The following LRP1B variants were observed in gnomAD, a reference collection of about 807,000 sequenced individuals.
The protein encoded by LRP1B is low-density lipoprotein receptor-related protein 1B.
A neutral mutation model predicts 556.6 loss-of-function variants in LRP1B; 217 were observed. The ratio of observed to expected loss-of-function variants is 0.39; its 90% CI spans 0.35 to 0.44. The LOEUF (loss-of-function observed/expected upper bound fraction) is 0.44. LRP1B is among the 20% of genes least tolerant of loss of function. The pLI, the probability that LRP1B is intolerant of heterozygous loss-of-function variation, is 1.00. For missense variants in LRP1B, 5,053 were observed against 5,620.8 expected (o/e 0.90, Z 3.23); for synonymous variants, 2,047 against 1,865.8 (o/e 1.10, Z -2.50).
At chr2:141,875,676 G>C (rs1306515636) in intron 1 of LRP1B, among the ~76,000 whole-genome samples, 2 of 151,738 alleles carry the variant, frequency 1.3e-5, no homozygotes, top group Non-Finnish European at 2.9e-5. Flanking sequence ...TACTTATTTG[G>C]CTTATTCATT....
At chr2:141,730,858 T>C (rs1310883835) in intron 2 of LRP1B, among the ~76,000 whole-genome samples, 1 of 152,172 alleles carries the variant, frequency 6.6e-6, no homozygotes. Flanking sequence ...TGGACAGAAG[T>C]GGTTTATTTG....
At chr2:141,776,009 AT>A (rs200761465) in intron 2 of LRP1B, among the ~76,000 whole-genome samples, 30,742 of 148,770 alleles carry the variant, frequency 0.21, 3,351 homozygotes, top group African/African-American at 0.3. Context: ...CGCCAGGTTA[AT>A]TTTTTTTTTG....
chr2:140,299,991 A>G (rs1208479084), intron 83 of LRP1B, among the ~76,000 whole-genome samples: 1 of 152,060 alleles, frequency 6.6e-6, no homozygotes, highest in South Asian at 2.1e-4. Flanking sequence ...GTAAAATGAT[A>G]CAAGTGTGAA....
chr2:142,005,898 G>GA (rs541034249), intron 1 of LRP1B, among the ~76,000 whole-genome samples: 30 of 117,904 alleles, frequency 2.5e-4, no homozygotes, highest in Admixed American at 4.3e-4. Flanking sequence ...AAAAAAAAAA[G>GA]AAAAAAAAAA....
intron 86 of LRP1B, among the ~76,000 whole-genome samples, chr2:140,259,208 G>T (rs890185137): frequency 1.3e-5 from 2 of 152,054 alleles, no homozygotes; most frequent in African/African-American, 4.8e-5. Flanking sequence ...AGACTCAGAG[G>T]CTTCAAAGGA....
At chr2:141,508,162 T>G (rs903688767) in intron 2 of LRP1B, among the ~76,000 whole-genome samples, 1 of 151,966 alleles carries the variant, frequency 6.6e-6, no homozygotes, top group Admixed American at 6.6e-5. Flanking sequence ...GATGTCTAAA[T>G]GATGATTCTA....
intron 1 of LRP1B, among the ~76,000 whole-genome samples, chr2:142,027,047 C>T (rs1033044614): frequency 6.6e-6 from 1 of 151,914 alleles, no homozygotes; most frequent in African/African-American, 2.4e-5. Context: ...TTTTGTAATT[C>T]AACCAGATTG....
At chr2:141,477,145 AAAAACCCCAAAAAACAAACAAAC>A (rs1682741753) in intron 3 of LRP1B, among the ~76,000 whole-genome samples, 1 of 111,840 alleles carries the variant, frequency 8.9e-6, no homozygotes, top group African/African-American at 3.1e-5. Context: ...AACAAACAAA[AAAAACCCCAAAAAACAAACAAAC>A]AAAAAAACCA....
intron 27 of LRP1B, 68 bp from the exon 28 acceptor site, chr2:140,851,851 CAG>C: frequency 6.9e-7 from 1 of 1,449,530 alleles, no homozygotes; most frequent in Non-Finnish European, 9.3e-7. Flanking sequence ...CTGAGGTTGA[CAG>C]GGGTTATTCA....
intron 45 of LRP1B, among the ~76,000 whole-genome samples, chr2:140,538,069 A>G (rs1679994686): frequency 6.6e-6 from 1 of 152,142 alleles, no homozygotes; most frequent in South Asian, 2.1e-4. Flanking sequence ...GCTTAATTCT[A>G]TAATTTAGTA....
Position 141,889,969 on chromosome 2 carries a change from T to TC in LRP1B, c.83-79569dup, listed in dbSNP as rs200717814. Among the ~76,000 whole-genome samples, 358 of 146,650 alleles carry TC rather than the reference T, an allele frequency of 2.4e-3. 2 individuals are homozygous for TC. Among genetic ancestry groups the TC allele is most frequent in the African/African-American group, 8.0e-3 (320 of 40,164 alleles). Reference sequence around the variant, plus strand: ...CTGTGACAATGCCATTATCTTTCCTTCCCCCTCACCCACCCCATATGTGAA... The same window carrying TC: ...CTGTGACAATGCCATTATCTTTCCTTCCCCCCTCACCCACCCCATATGTGAA... On this transcript the variant is annotated intron_variant, in intron 1 of 90. Coordinates refer to ENST00000389484, the MANE Select transcript of LRP1B (RefSeq NM_018557.3).
intron 41 of LRP1B, among the ~76,000 whole-genome samples, chr2:140,696,982 T>C (rs1381077682): frequency 6.6e-6 from 1 of 152,170 alleles, no homozygotes; most frequent in Non-Finnish European, 1.5e-5. Flanking sequence ...AAAATTTTCA[T>C]AGAAAATGTA....
rs1385896322 is a variant in LRP1B at position 140,234,630 on chromosome 2, G to C, written c.13659+156C>G. On this transcript the variant is annotated intron_variant, in intron 90 of 90. Transcript: ENST00000389484. ...TTTAGATGTAATCTTGCATAGACAG[G>C]ACACATAACATAAGCCCCCAATTTA... The C allele has an allele frequency of 1.1e-5, 6 of 566,116 alleles. No homozygotes were observed. In the African/African-American group the frequency reaches 1.1e-4, roughly 11 times the overall value. 35.1% of individuals were successfully genotyped at this position (566,116 alleles called of 1,614,324 possible). A position where few individuals can be genotyped will look rare whatever the true frequency, so the allele number is the denominator to read the frequency against.
chr2:140,950,481 C>CTGT (rs1020634390), intron 19 of LRP1B, 79 bp from the exon 20 acceptor site: 9 of 1,204,130 alleles, frequency 7.5e-6, no homozygotes, highest in South Asian at 6.1e-5. Context: ...TAACTGGTTT[C>CTGT]TGTTGTTGTT....
At chr2:140,236,453 GA>G (rs1177610963) in intron 89 of LRP1B, among the ~76,000 whole-genome samples, 2 of 150,934 alleles carry the variant, frequency 1.3e-5, no homozygotes, top group East Asian at 2.0e-4. Context: ...TTAATTTAGA[GA>G]AAAAATATTC....
intron 35 of LRP1B, among the ~76,000 whole-genome samples, chr2:140,748,052 T>C: frequency 7.1e-6 from 1 of 141,184 alleles, no homozygotes. Flanking sequence ...CCAAGAGCTG[T>C]TAACACAATA....
intron 41 of LRP1B, among the ~76,000 whole-genome samples, chr2:140,668,373 T>C (rs1278157808): frequency 7.0e-6 from 1 of 143,720 alleles, no homozygotes; most frequent in African/African-American, 2.6e-5. Context: ...AATATACATA[T>C]ATATTTATTA....
At chr2:140,966,005 A>G (rs1573930610) in intron 18 of LRP1B, among the ~76,000 whole-genome samples, 1 of 152,132 alleles carries the variant, frequency 6.6e-6, no homozygotes, top group African/African-American at 2.4e-5. Context: ...GAATAGTGCC[A>G]CAATAAACTA....
chr2:141,352,196 C>T (rs1357262771), intron 3 of LRP1B, among the ~76,000 whole-genome samples: 1 of 151,808 alleles, frequency 6.6e-6, no homozygotes. Context: ...CTTTGATCCA[C>T]TTTTGTATTA....
Sources: gnomAD v4.1 joint callset for allele counts (sites outside exome capture counted in the v4.1 genomes callset) on GRCh38, gnomAD v4.1.1 for gene constraint, MANE v1.5 for transcripts, NCBI Gene and HGNC (gene_info 2026-07-23, HGNC 2026-07-21) for gene names.